Variants in ANKAR observed in about 807,000 individuals in gnomAD.
ANKAR encodes the protein ankyrin and armadillo repeat-containing protein.
A neutral mutation model predicts 146.2 loss-of-function variants in ANKAR; 136 were observed. The ratio of observed to expected loss-of-function variants is 0.93; its 90% CI spans 0.81 to 1.07. The LOEUF (loss-of-function observed/expected upper bound fraction) is 1.07, where lower values mean the gene tolerates loss of function less well. ANKAR is among the 50% of genes least tolerant of loss of function. ANKAR has a pLI of 0.00. For synonymous variants in ANKAR, 500 were observed against 575.8 expected, an observed-to-expected ratio of 0.87 and a Z score of 1.88; for missense variants, 1,567 against 1,679.9, an observed-to-expected ratio of 0.93 and a Z score of 1.18.
At chr2:189,749,169 C>G (rs1163775150), downstream of ANKAR, among the ~76,000 whole-genome samples, 1 of 141,984 alleles carries the variant, frequency 7.0e-6, no homozygotes, top group Non-Finnish European at 1.5e-5. Context: ...TTGCTTGAAC[C>G]TGGCAGACGG....
At chr2:189,675,400 G>C (rs557830951) in intron 1 of ANKAR, among the ~76,000 whole-genome samples, 1 of 151,334 alleles carries the variant, frequency 6.6e-6, no homozygotes, top group African/African-American at 2.4e-5. Context: ...TTTTGAAACA[G>C]TGTTTTTCAC....
At chr2:189,745,505 G>A (rs13418043) in intron 22 of ANKAR, among the ~76,000 whole-genome samples, 1 of 152,096 alleles carries the variant, frequency 6.6e-6, no homozygotes, top group African/African-American at 2.4e-5. Flanking sequence ...TTTGTACATA[G>A]TTGGTACATT....
intron 2 of ANKAR, among the ~76,000 whole-genome samples, chr2:189,685,106 A>G (rs932649932): frequency 1.3e-5 from 2 of 151,974 alleles, no homozygotes; most frequent in African/African-American, 4.8e-5. Flanking sequence ...CCTGGGCTCA[A>G]GTGATCTTCC....
At chr2:189,728,206 T>C (rs1403409168) in intron 13 of ANKAR, 61 bp from the exon 14 acceptor site, 1 of 1,509,710 alleles carries the variant, frequency 6.6e-7, no homozygotes, top group Non-Finnish European at 8.9e-7. Context: ...TTTTATAAAA[T>C]ATGCATTCCT....
At chr2:189,724,916 A>G (rs2041695825) in intron 12 of ANKAR, among the ~76,000 whole-genome samples, 1 of 152,196 alleles carries the variant, frequency 6.6e-6, no homozygotes. Context: ...GTATAACTAG[A>G]TTTAAAAAGA....
chr2:189,753,571 C>T (rs1224643622), intron 18 of ANKAR, among the ~76,000 whole-genome samples: 1 of 152,010 alleles, frequency 6.6e-6, no homozygotes, highest in Non-Finnish European at 1.5e-5. Flanking sequence ...AAAAAACAAA[C>T]AAACAAAGGG....
chr2:189,761,817 T>A (rs1216225545), downstream of ANKAR, among the ~76,000 whole-genome samples: 1 of 152,146 alleles, frequency 6.6e-6, no homozygotes, highest in Non-Finnish European at 1.5e-5. Context: ...ATATTATGAA[T>A]GAATATAATG....
At position 189,707,138 on chromosome 2, in the gene ANKAR, C is replaced by T; in HGVS notation, c.2111C>T (p.Thr704Ile). The change falls in exon 9 of 23, where the codon ACT becomes ATT. Residue 704 changes from threonine to isoleucine, a missense_variant. Coordinates refer to ENST00000684021, the MANE Select transcript of ANKAR (RefSeq NM_001378068.1). ...LNIPELPVWK[T>I]LVEMLQCESY... Reference sequence around the variant, plus strand: ...ATTCCTGAACTCCCAGTGTGGAAAACTTTGGTAGGTGAGTATAATCTCTTT... The same window carrying T: ...ATTCCTGAACTCCCAGTGTGGAAAATTTTGGTAGGTGAGTATAATCTCTTT... 3 of 1,518,648 alleles carry T rather than the reference C, an allele frequency of 2.0e-6. No individual in the cohort carries two copies. The highest frequency in any genetic ancestry group is 2.7e-6 in the Non-Finnish European group (3 of 1,129,764). 94.1% of individuals were successfully genotyped at this position (1,518,648 alleles called of 1,614,324 possible).
chr2:189,758,825 C>G (rs1207170769), intron 18 of ANKAR, among the ~76,000 whole-genome samples: 1 of 152,116 alleles, frequency 6.6e-6, no homozygotes, highest in Non-Finnish European at 1.5e-5. Context: ...GAAAGTATTA[C>G]AAAGAAAATA....
At chr2:189,704,136 C>T (rs2038485281) in intron 7 of ANKAR, among the ~76,000 whole-genome samples, 1 of 88,974 alleles carries the variant, frequency 1.1e-5, no homozygotes, top group Non-Finnish European at 2.1e-5. Flanking sequence ...CAGTAACTCT[C>T]ATTATTGGGA....
chr2:189,757,952 C>T (rs1461481173), intron 18 of ANKAR, among the ~76,000 whole-genome samples: 1 of 152,114 alleles, frequency 6.6e-6, no homozygotes, highest in African/African-American at 2.4e-5. Flanking sequence ...GATCTGTGTC[C>T]CTGCCCAAAT....
chr2:189,738,720 A>G (rs1315693847), intron 19 of ANKAR, 38 bp downstream of exon 19: 1 of 1,306,178 alleles, frequency 7.7e-7, no homozygotes, highest in African/African-American at 1.5e-5. Context: ...GCCACATAAA[A>G]CTATTTTCAA....
chr2:189,696,256 C>A lies in ANKAR; in HGVS notation c.1595C>A (p.Ala532Glu), dbSNP rs552534735. 6.2e-7 allele frequency: 1 copy of A among 1,614,096 alleles called. No individual in the cohort carries two copies. The highest frequency in any genetic ancestry group is 1.1e-5 in the South Asian group (1 of 91,072). The change falls in exon 7 of 23, where the codon GCA (alanine) becomes GAA (glutamate). Residue 532 changes from alanine to glutamate, a missense_variant. Ala to Glu is a moderately radical substitution (Grantham distance 107). Coordinates refer to ENST00000684021, the MANE Select transcript of ANKAR (RefSeq NM_001378068.1). The part of the protein sequence containing the change: ...SSSTINVSDE[A>E]GYTIFHHAAL... The stretch of plus-strand genomic sequence containing the variant: ...TCAACAATCAATGTTTCAGATGAAG[C>A]AGGTTATACTATTTTTCATCATGCT...
intron 22 of ANKAR, among the ~76,000 whole-genome samples, chr2:189,745,994 G>A (rs115940725): frequency 0.038 from 5,743 of 152,226 alleles, 159 homozygotes; most frequent in African/African-American, 0.067. Context: ...ATCTGATGAA[G>A]TTTTCACAGG....
intron 6 of ANKAR, among the ~76,000 whole-genome samples, chr2:189,695,511 G>A (rs777779832): frequency 3.3e-5 from 5 of 152,160 alleles, no homozygotes; most frequent in Non-Finnish European, 7.3e-5. Context: ...TGTAGAGAGG[G>A]ATCTTTCACA....
In ANKAR at chr2:189,703,305, T is replaced by C. The variant is rs575144359; in HGVS notation, c.1709-1718T>C. Among the ~76,000 whole-genome samples, 3 of 152,252 alleles carry C rather than the reference T, an allele frequency of 2.0e-5. No homozygotes were observed. The South Asian group carries it at 6.2e-4, about 32-fold the overall frequency. On this transcript the variant is annotated intron_variant, in intron 7 of 22. Transcript: ENST00000684021. The stretch of plus-strand genomic sequence containing the variant: ...ATGGGGATAGCAGTTGGGAGATGAT[T>C]ATGGCTTGGATTAGGATGGTGGTGG...
At chr2:189,739,538 A>G (rs1193010849) in intron 19 of ANKAR, among the ~76,000 whole-genome samples, 1 of 152,148 alleles carries the variant, frequency 6.6e-6, no homozygotes, top group Admixed American at 6.6e-5. Flanking sequence ...GTGACTCTGA[A>G]AAACAACTGT....
In ANKAR at chr2:189,696,348, C is replaced by T. The variant is rs774427709; in HGVS notation, c.1687C>T (p.Arg563Cys). Residue 563 changes from arginine to cysteine, a missense_variant, in exon 7 of 23, where the codon CGC (arginine) becomes TGC (cysteine). By Grantham distance (180) the Arg-to-Cys change is radical. Transcript: ENST00000684021. ...TGCTAACTTCAAGGTCAACCAGAGG[C>T]GCTTTGTTACGTTCAGCCAAGGTAC... The part of the protein sequence containing the change: ...CNANFKVNQR[R>C]FVTFSQGPTP... 38 of 1,613,420 alleles carry T rather than the reference C, an allele frequency of 2.4e-5. No individual in the cohort carries two copies. The highest frequency in any genetic ancestry group is 1.2e-4 in the African/African-American group (9 of 74,872).
At chr2:189,718,522 CCT>C (rs1194579459) in intron 10 of ANKAR, among the ~76,000 whole-genome samples, 3 of 152,014 alleles carry the variant, frequency 2.0e-5, no homozygotes, top group African/African-American at 7.3e-5. Flanking sequence ...TAGATAGTCC[CCT>C]GATATGTTCC....
Sources: allele counts gnomAD v4.1 joint callset (sites outside exome capture counted in the v4.1 genomes callset), GRCh38; gene constraint gnomAD v4.1.1; transcripts MANE v1.5; gene names NCBI Gene and HGNC (gene_info 2026-07-23, HGNC 2026-07-21).